Variants in RALGAPB observed in about 807,000 individuals in gnomAD.
RALGAPB encodes the protein ral GTPase-activating protein subunit beta.
In RALGAPB, 25 loss-of-function variants were observed where a neutral mutation model predicts 161.1. The observed-to-expected ratio is 0.16, with a 90% confidence interval of 0.11 to 0.22. RALGAPB has a LOEUF of 0.22. Among genes scored for constraint, RALGAPB ranks in the 10% least tolerant of loss-of-function variants. RALGAPB has a pLI of 1.00. For synonymous variants in RALGAPB, 629 were observed against 626.1 expected (o/e 1.00, Z -0.07); for missense variants, 1,391 against 1,815.2 (o/e 0.77, Z 4.25).
intron 28 of RALGAPB, among the ~76,000 whole-genome samples, chr20:38,571,165 A>G (rs2088223476): frequency 1.3e-5 from 2 of 152,192 alleles, no homozygotes; most frequent in Admixed American, 6.5e-5. Context: ...GAACACTTCT[A>G]CCATCTCCAG....
chr20:38,473,733 T>C (rs2084719863), intron 1 of RALGAPB, among the ~76,000 whole-genome samples: 1 of 152,192 alleles, frequency 6.6e-6, no homozygotes, highest in Admixed American at 6.5e-5. Flanking sequence ...CCAACTTTGC[T>C]ACACTGTAGA....
In RALGAPB at chr20:38,574,819, G is replaced by A; in HGVS notation, c.4337G>A (p.Arg1446Lys). 6.2e-7 allele frequency: 1 copy of A among 1,614,030 alleles called. No individual in the cohort carries two copies. The highest frequency in any genetic ancestry group is 8.5e-7 in the Non-Finnish European group (1 of 1,179,906). The change falls in exon 30 of 30, where the codon AGA (arginine) becomes AAA (lysine). Residue 1446 changes from arginine (R) to lysine (K), a missense_variant. Arg to Lys is a conservative substitution (Grantham distance 26). This residue lies in a region of RALGAPB where 436 missense variants were observed against 527.0 expected (regional missense o/e 0.83). Transcript: ENST00000262879. ...GTAATTAACATTTGTAGAAGAAAGA[G>A]ACTGGAAAGTGACTCCTACAGTCCC... ...QTVINICRRK[R>K]LESDSYSPPH...
At position 38,532,867 on chromosome 20, in the gene RALGAPB, G is replaced by A. The variant is rs751714159; in HGVS notation, c.2245+8G>A. ...CTCTCTTAAGAGATTATGGTTAGTC[G>A]TGTTTCTTTTGAAATTCAAAGTTTA... On this transcript the variant is annotated splice_region_variant and intron_variant, in intron 15 of 29. Transcript: ENST00000262879. The A allele has an allele frequency of 3.0e-5, 49 of 1,608,196 alleles. No individual in the cohort carries two copies. In the East Asian group the frequency reaches 4.0e-4, roughly 13 times the overall value.
chr20:38,531,088 T>C (rs1338957843), intron 13 of RALGAPB, 79 bp from the exon 14 acceptor site: 2 of 1,202,874 alleles, frequency 1.7e-6, no homozygotes, highest in African/African-American at 3.1e-5. Flanking sequence ...TTATCTGTAC[T>C]ATTAATCATA....
intron 28 of RALGAPB, among the ~76,000 whole-genome samples, chr20:38,571,597 A>T (rs1001221648): frequency 6.6e-6 from 1 of 152,180 alleles, no homozygotes; most frequent in African/African-American, 2.4e-5. Context: ...TTCCTTGTCT[A>T]TTCGTCCATT....
chr20:38,500,798 T>C (rs1230467219), intron 5 of RALGAPB, among the ~76,000 whole-genome samples: 2 of 152,168 alleles, frequency 1.3e-5, no homozygotes, highest in Non-Finnish European at 2.9e-5. Context: ...ACAGGAATGA[T>C]AAGAAAGCAA....
At chr20:38,564,648 G>T (rs1171709811) in intron 24 of RALGAPB, among the ~76,000 whole-genome samples, 2 of 151,964 alleles carry the variant, frequency 1.3e-5, no homozygotes, top group Admixed American at 1.3e-4. Context: ...TGTTTCTTTT[G>T]TTAATTCAGT....
At chr20:38,497,201 T>C (rs1020142990) in intron 3 of RALGAPB, 152 bp from the exon 4 acceptor site, 18 of 663,218 alleles carry the variant, frequency 2.7e-5, no homozygotes. Flanking sequence ...AAGAAGTAGC[T>C]TTAAACTGAA....
rs1372744433 is a variant in RALGAPB, at chr20:38,574,838, C to T, written c.4356C>T (p.Tyr1452=). Residue 1452 remains tyrosine (Y), a synonymous_variant, in exon 30 of 30, where the codon TAC becomes TAT. Coordinates refer to ENST00000262879, the MANE Select transcript of RALGAPB (RefSeq NM_020336.4). ...CRRKRLESDS[Y]SPPHVRRKQK... ...GAAAGAGACTGGAAAGTGACTCCTA[C>T]AGTCCCCCCCATGTCCGCCGGAAAC... 1.9e-6 allele frequency: 3 copies of T among 1,613,846 alleles called. No homozygotes were observed. Among genetic ancestry groups the T allele is most frequent in the Non-Finnish European group, 2.5e-6 (3 of 1,179,720 alleles).
chr20:38,473,459 A>G (rs774439527), intron 1 of RALGAPB, among the ~76,000 whole-genome samples: 6 of 152,202 alleles, frequency 3.9e-5, no homozygotes, highest in Non-Finnish European at 5.9e-5. Flanking sequence ...GCACAGTGAC[A>G]CTTTGATGAG....
chr20:38,488,242 A>T (rs771427748), intron 1 of RALGAPB, among the ~76,000 whole-genome samples, 161 bp from the exon 2 acceptor site: 13 of 152,212 alleles, frequency 8.5e-5, no homozygotes, highest in Non-Finnish European at 1.3e-4. Flanking sequence ...CATAGTTTGA[A>T]AAACATTGAT....
chr20:38,492,214 A>G (rs956801313), intron 2 of RALGAPB, among the ~76,000 whole-genome samples: 10 of 152,180 alleles, frequency 6.6e-5, no homozygotes, highest in Non-Finnish European at 1.5e-4. Flanking sequence ...TAAACCAGTG[A>G]CTTGGGCCAG....
chr20:38,502,174 G>C (rs2085615617), intron 5 of RALGAPB, among the ~76,000 whole-genome samples: 1 of 152,154 alleles, frequency 6.6e-6, no homozygotes, highest in South Asian at 2.1e-4. Context: ...TGTTGCTATT[G>C]CAATGAGCTC....
At chr20:38,483,661 T>G (rs1209833143) in intron 1 of RALGAPB, among the ~76,000 whole-genome samples, 2 of 152,168 alleles carry the variant, frequency 1.3e-5, no homozygotes, top group Non-Finnish European at 2.9e-5. Flanking sequence ...GCCAACTTAC[T>G]AACGGGATGG....
chr20:38,564,961 GTCTCTC>G (rs148681791), intron 24 of RALGAPB, among the ~76,000 whole-genome samples: 9 of 131,086 alleles, frequency 6.9e-5, no homozygotes, highest in African/African-American at 2.0e-4. Flanking sequence ...CTCTCTCTCT[GTCTCTC>G]TCTCTCTCTC....
intron 20 of RALGAPB, 67 bp from the exon 21 acceptor site, chr20:38,551,003 GA>G: frequency 6.5e-7 from 1 of 1,528,140 alleles, no homozygotes; most frequent in Non-Finnish European, 8.9e-7. Flanking sequence ...AGAGACCAGG[GA>G]AATACATGTC....
In RALGAPB at chr20:38,497,020, A is replaced by G. The variant is rs1260773824; in HGVS notation, c.390-333A>G. On this transcript the variant is annotated intron_variant, in intron 3 of 29. Coordinates refer to ENST00000262879, the MANE Select transcript of RALGAPB (RefSeq NM_020336.4). ...GGTGGCGGTGGGTATTTACTTGTTC[A>G]TTCAACAAAAACCTATTGAGTGTCT... Among the ~76,000 whole-genome samples, 4 of 152,226 alleles carry G rather than the reference A, an allele frequency of 2.6e-5. No homozygotes were observed. In the East Asian group the frequency reaches 7.7e-4, roughly 29 times the overall value.
chr20:38,552,120 G>A (rs1002090374), intron 21 of RALGAPB, among the ~76,000 whole-genome samples: 1 of 147,340 alleles, frequency 6.8e-6, no homozygotes, highest in Non-Finnish European at 1.5e-5. Flanking sequence ...AAATGGCCTC[G>A]TTAAGGAAAG....
intron 18 of RALGAPB, among the ~76,000 whole-genome samples, chr20:38,545,926 G>A (rs2087147522): frequency 6.6e-6 from 1 of 152,222 alleles, no homozygotes; most frequent in African/African-American, 2.4e-5. Flanking sequence ...TGGTAAGGGA[G>A]TAGGTCACTA....
Sources: allele counts gnomAD v4.1 joint callset (sites outside exome capture counted in the v4.1 genomes callset), GRCh38; gene constraint gnomAD v4.1.1; regional missense constraint gnomAD v4.1.1; transcripts MANE v1.5; gene names NCBI Gene and HGNC (gene_info 2026-07-23, HGNC 2026-07-21).